The following STARD10 variants were observed in gnomAD, a reference collection of about 807,000 sequenced individuals.
STARD10 encodes START domain-containing protein 10.
A neutral mutation model predicts 36.0 loss-of-function variants in STARD10; 24 were observed. The observed-to-expected ratio is 0.67, with a 90% CI of 0.48 to 0.94. STARD10 has a LOEUF of 0.94. Among genes scored for constraint, STARD10 ranks in the 40% least tolerant of loss-of-function variants. The pLI, the probability that STARD10 is intolerant of heterozygous loss-of-function variation, is 0.00. For synonymous variants in STARD10, 156 were observed against 161.9 expected (o/e 0.96, Z 0.28); for missense variants, 335 against 396.6 (o/e 0.84, Z 1.32).
chr11:72,757,927 C>G, intron 4 of STARD10, 43 bp from the exon 5 acceptor site: 1 of 1,570,686 alleles, frequency 6.4e-7, no homozygotes, highest in Non-Finnish European at 8.8e-7. Context: ...GGGGTGGGGG[C>G]AAAGAAGATG....
rs1326262861 is a variant in STARD10 at position 72,793,281 on chromosome 11, A to G, written c.-520T>C. 2.6e-5 allele frequency: 4 copies of G among 152,220 alleles called. No individual in the cohort carries two copies. Among genetic ancestry groups the G allele is most frequent in the East Asian group, 1.9e-4 (1 of 5,200 alleles). The allele number at this position is 152,220 out of a possible 1,614,324, so 9.4% of individuals were successfully genotyped here. ...CTGACTATAATAATATTTTGCCTTT[A>G]TATACCGCGTGGGTAAATTCCTGAA... On this transcript the variant is annotated 5_prime_UTR_variant, in exon 1 of 7. Coordinates refer to ENST00000334805, the MANE Select transcript of STARD10 (RefSeq NM_006645.3).
intron 5 of STARD10, among the ~76,000 whole-genome samples, chr11:72,756,453 G>A (rs966999409): frequency 1.3e-5 from 2 of 152,134 alleles, no homozygotes; most frequent in African/African-American, 4.8e-5. Context: ...GGGACCCAGA[G>A]AGGAACTCAC....
At position 72,785,503 on chromosome 11, in the gene STARD10, G is replaced by T. The variant is rs75810739; in HGVS notation, c.-113-4209C>A. Among the ~76,000 whole-genome samples the T allele has an allele frequency of 4.6e-4, 65 of 141,964 alleles. No individual in the cohort carries two copies. In the East Asian group the frequency reaches 0.013, roughly 27 times the overall value. The allele number at this position is 141,964 out of a possible 152,430, so 93.1% of individuals were successfully genotyped here. On this transcript the variant is annotated intron_variant, in intron 1 of 6. Transcript: ENST00000334805. ...TTGAACCTGGGAGGCGGAGGTTGCA[G>T]TGAGCAGAGATTGGGCCACTGCACT...
chr11:72,789,619 T>C (rs1001305316), intron 1 of STARD10, among the ~76,000 whole-genome samples: 1 of 152,220 alleles, frequency 6.6e-6, no homozygotes, highest in African/African-American at 2.4e-5. Context: ...GAGGGCAGCA[T>C]GGCACTGAGA....
At chr11:72,759,833 C>T (rs1314573812) in intron 2 of STARD10, among the ~76,000 whole-genome samples, 1 of 152,190 alleles carries the variant, frequency 6.6e-6, no homozygotes, top group Non-Finnish European at 1.5e-5. Context: ...CTCCCTGGTA[C>T]TTATCACGCG....
At chr11:72,788,664 G>A (rs574084037) in intron 1 of STARD10, among the ~76,000 whole-genome samples, 1 of 151,286 alleles carries the variant, frequency 6.6e-6, no homozygotes, top group South Asian at 2.1e-4. Context: ...CCAGATTCAA[G>A]TGATTCTCCT....
At chr11:72,788,065 G>T (rs1034852389) in intron 1 of STARD10, among the ~76,000 whole-genome samples, 5 of 152,164 alleles carry the variant, frequency 3.3e-5, no homozygotes, top group African/African-American at 1.2e-4. Flanking sequence ...GGCTCCTCTG[G>T]GAGGCTTTGT....
intron 5 of STARD10, among the ~76,000 whole-genome samples, chr11:72,757,129 G>C (rs12289849): frequency 0.11 from 14,346 of 131,436 alleles, 761 homozygotes; most frequent in South Asian, 0.16. Context: ...TGGGAAACAA[G>C]AGTGAAACTC....
chr11:72,755,632 C>CA (rs1858633931), intron 6 of STARD10, 69 bp downstream of exon 6: 1 of 1,571,852 alleles, frequency 6.4e-7, no homozygotes, highest in Non-Finnish European at 8.8e-7. Context: ...GGCTTGACTC[C>CA]ACCCACCTCA....
intron 2 of STARD10, among the ~76,000 whole-genome samples, chr11:72,767,026 G>A (rs140908189): frequency 1.3e-5 from 2 of 152,322 alleles, no homozygotes; most frequent in Admixed American, 6.5e-5. Context: ...ATATCCCACA[G>A]GCTGTTCTAA....
At chr11:72,790,604 C>T (rs1859130030) in intron 1 of STARD10, among the ~76,000 whole-genome samples, 1 of 152,248 alleles carries the variant, frequency 6.6e-6, no homozygotes, top group Non-Finnish European at 1.5e-5. Flanking sequence ...TCATGGACTT[C>T]TGCCATGCAG....
At chr11:72,780,030 A>G in intron 2 of STARD10, 1 of 307,098 alleles carries the variant, frequency 3.3e-6, no homozygotes, top group Admixed American at 3.9e-5. Context: ...GGGAGAAGGC[A>G]AGGAAGAGGA....
chr11:72,757,992 A>G, intron 4 of STARD10, 108 bp from the exon 5 acceptor site: 2 of 946,364 alleles, frequency 2.1e-6, no homozygotes, highest in Non-Finnish European at 3.4e-6. Flanking sequence ...GTTAATTCAC[A>G]TGCCGTGACA....
intron 1 of STARD10, among the ~76,000 whole-genome samples, chr11:72,791,428 G>A (rs1389869592): frequency 1.3e-5 from 2 of 152,136 alleles, no homozygotes; most frequent in Non-Finnish European, 2.9e-5. Context: ...TTTCTGGCCG[G>A]GCGTGGTGAC....
At chr11:72,756,487 G>A (rs1340237043) in intron 5 of STARD10, among the ~76,000 whole-genome samples, 3 of 152,120 alleles carry the variant, frequency 2.0e-5, no homozygotes, top group African/African-American at 7.2e-5. Context: ...GGAGCCGACT[G>A]TTCTACTAGA....
intron 2 of STARD10, chr11:72,780,481 G>A (rs1244208177): frequency 7.1e-6 from 3 of 422,864 alleles, no homozygotes; most frequent in South Asian, 5.0e-5. Flanking sequence ...GGAGGGAAGG[G>A]AAAGAGCAAG....
chr11:72,786,986 A>T (rs748228358), intron 1 of STARD10, among the ~76,000 whole-genome samples: 10 of 146,342 alleles, frequency 6.8e-5, no homozygotes, highest in Non-Finnish European at 1.2e-4. Context: ...TAGGAGCCTG[A>T]GGTGAGAGGA....
chr11:72,785,343 T>A (rs1859058003), intron 1 of STARD10, among the ~76,000 whole-genome samples: 1 of 151,550 alleles, frequency 6.6e-6, no homozygotes, highest in African/African-American at 2.4e-5. Flanking sequence ...TACGGGTGGA[T>A]CACCTGAGGT....
intron 2 of STARD10, among the ~76,000 whole-genome samples, chr11:72,762,549 G>A (rs1052012709): frequency 2.6e-5 from 4 of 151,930 alleles, no homozygotes; most frequent in African/African-American, 7.3e-5. Flanking sequence ...CATTTAATCA[G>A]CAGCCCCCAG....
Sources: allele counts gnomAD v4.1 joint callset (sites outside exome capture counted in the v4.1 genomes callset), GRCh38; gene constraint gnomAD v4.1.1; transcripts MANE v1.5; gene names NCBI Gene and HGNC (gene_info 2026-07-23, HGNC 2026-07-21).